The following COL14A1 variants were observed in gnomAD, a reference collection of about 807,000 sequenced individuals.
COL14A1 encodes collagen type XIV alpha 1 chain.
COL14A1 carries 136 observed loss-of-function variants against 230.3 expected under a neutral mutation model. The observed-to-expected ratio is 0.59, with a 90% CI of 0.51 to 0.68. COL14A1 has a LOEUF of 0.68. Among genes scored for constraint, COL14A1 ranks in the 30% least tolerant of loss-of-function variants. The pLI is 0.00. For synonymous variants in COL14A1, 792 were observed against 784.1 expected (o/e 1.01, Z -0.17); for missense variants, 1,976 against 2,215.8 (o/e 0.89, Z 2.17).
chr8:120,281,568 A>AAG (rs1234585261), intron 31 of COL14A1, among the ~76,000 whole-genome samples: 3 of 150,664 alleles, frequency 2.0e-5, no homozygotes, highest in African/African-American at 7.3e-5. Flanking sequence ...CCGTCTTTAA[A>AAG]AAAAAAAAAA....
At chr8:120,231,782 A>G in intron 19 of COL14A1, 164 bp downstream of exon 19, 1 of 690,874 alleles carries the variant, frequency 1.4e-6, no homozygotes, top group South Asian at 2.8e-5. Flanking sequence ...CTGGCTTCTT[A>G]GTGACCTTTA....
At chr8:120,269,312 T>A (rs536368940) in intron 25 of COL14A1, among the ~76,000 whole-genome samples, 1 of 151,842 alleles carries the variant, frequency 6.6e-6, no homozygotes, top group African/African-American at 2.4e-5. Flanking sequence ...TAAAAAATGT[T>A]CTCAGTAGAG....
At position 120,247,694 on chromosome 8, in the gene COL14A1, C is replaced by G. The variant is rs1162292969; in HGVS notation, c.2561C>G (p.Ser854Cys). 6.2e-7 allele frequency: 1 copy of G among 1,613,964 alleles called. No individual in the cohort carries two copies. The highest frequency in any genetic ancestry group is 8.5e-7 in the Non-Finnish European group (1 of 1,179,984). The change falls in exon 21 of 48, where the codon TCC becomes TGC. Residue 854 changes from serine (S) to cysteine (C), a missense_variant. Transcript: ENST00000297848. ...RLRITWDPPSSPVKGYRIVYK... is the reference protein window; with the variant it reads ...RLRITWDPPSCPVKGYRIVYK... Reference sequence around the variant, plus strand: ...CGCATTACGTGGGACCCCCCATCTTCCCCGGTGAAAGGCTATAGAATTGTC... The same window carrying G: ...CGCATTACGTGGGACCCCCCATCTTGCCCGGTGAAAGGCTATAGAATTGTC...
chr8:120,169,969 C>T (rs1409283030), intron 5 of COL14A1, among the ~76,000 whole-genome samples: 1 of 152,018 alleles, frequency 6.6e-6, no homozygotes, highest in Non-Finnish European at 1.5e-5. Context: ...AAGCTGAAGT[C>T]AGTTTTTATC....
At chr8:120,135,718 C>CT (rs562845712) in intron 1 of COL14A1, among the ~76,000 whole-genome samples, 61 of 145,426 alleles carry the variant, frequency 4.2e-4, no homozygotes, top group East Asian at 1.2e-3. Context: ...TAACAGAGTA[C>CT]TTTTTTTTTT....
intron 12 of COL14A1, 21 bp downstream of exon 12, chr8:120,209,922 A>ACAGT (rs773214745): frequency 6.5e-7 from 1 of 1,545,624 alleles, no homozygotes; most frequent in Non-Finnish European, 8.7e-7. Flanking sequence ...CCTACCTATT[A>ACAGT]CAGTCCTAGA....
chr8:120,126,141 G>A (rs1242351906), intron 1 of COL14A1, among the ~76,000 whole-genome samples: 1 of 152,140 alleles, frequency 6.6e-6, no homozygotes, highest in South Asian at 2.1e-4. Flanking sequence ...CGCACCCCGC[G>A]CCCCCTCAGG....
At chr8:120,200,226 C>T (rs1817190757) in intron 8 of COL14A1, among the ~76,000 whole-genome samples, 1 of 151,966 alleles carries the variant, frequency 6.6e-6, no homozygotes, top group African/African-American at 2.4e-5. Flanking sequence ...AACACTGAAA[C>T]ACAAACCAAA....
intron 22 of COL14A1, among the ~76,000 whole-genome samples, chr8:120,252,631 T>C (rs1162277343): frequency 6.6e-6 from 1 of 152,206 alleles, no homozygotes; most frequent in African/African-American, 2.4e-5. Flanking sequence ...AAAATGAAGA[T>C]AATAATAACC....
intron 21 of COL14A1, 66 bp from the exon 22 acceptor site, chr8:120,250,551 G>A: frequency 6.5e-7 from 1 of 1,538,212 alleles, no homozygotes; most frequent in Non-Finnish European, 9.0e-7. Flanking sequence ...AATACAATTT[G>A]ATCTAAGAGT....
intron 5 of COL14A1, among the ~76,000 whole-genome samples, chr8:120,169,906 C>T (rs531084690): frequency 6.6e-6 from 1 of 152,142 alleles, no homozygotes; most frequent in South Asian, 2.1e-4. Context: ...ACAGTTAAAA[C>T]TCATTGCTTA....
chr8:120,171,299 A>G (rs1816087001), intron 5 of COL14A1, among the ~76,000 whole-genome samples: 1 of 152,176 alleles, frequency 6.6e-6, no homozygotes, highest in African/African-American at 2.4e-5. Context: ...ATATTATTGA[A>G]TATATTTATT....
intron 19 of COL14A1, among the ~76,000 whole-genome samples, chr8:120,234,655 G>A (rs1449008564): frequency 6.6e-6 from 1 of 152,082 alleles, no homozygotes; most frequent in Non-Finnish European, 1.5e-5. Context: ...GCATCCCAGG[G>A]ATGAAGCCGC....
chr8:120,168,196 A>C lies in COL14A1; in HGVS notation c.385A>C (p.Arg129=). ...DLEKRKDPKP[R]VKVVDRGNGS... is the part of the protein sequence containing the mutation. ...AGAAAAAAGAAAGGATCCAAAGCCCAGAGTCAAAGTTGTGGACAGAGGAAA... is the reference window on the plus strand; with the variant it reads ...AGAAAAAAGAAAGGATCCAAAGCCCCGAGTCAAAGTTGTGGACAGAGGAAA... Residue 129 remains arginine, a synonymous_variant, in exon 5 of 48, where the codon AGA becomes CGA. Coordinates refer to ENST00000297848, the MANE Select transcript of COL14A1 (RefSeq NM_021110.4). 1.2e-6 allele frequency: 2 copies of C among 1,613,054 alleles called. No individual in the cohort carries two copies. The highest frequency in any genetic ancestry group is 1.7e-6 in the Non-Finnish European group (2 of 1,179,342).
chr8:120,315,879 G>A, intron 39 of COL14A1, 65 bp from the exon 40 acceptor site: 1 of 1,538,556 alleles, frequency 6.5e-7, no homozygotes, highest in Non-Finnish European at 9.0e-7. Flanking sequence ...CTATTTCAGG[G>A]AAGCTGCGTG....
intron 24 of COL14A1, 82 bp from the exon 25 acceptor site, chr8:120,266,745 G>T (rs1819510929): frequency 1.1e-5 from 12 of 1,113,482 alleles, no homozygotes; most frequent in Non-Finnish European, 1.6e-5. Context: ...TGACTACCCT[G>T]AATATTTATT....
chr8:120,181,842 C>T (rs893208394), intron 5 of COL14A1, among the ~76,000 whole-genome samples: 9 of 152,104 alleles, frequency 5.9e-5, no homozygotes, highest in South Asian at 2.1e-4. Context: ...GTCCTAGCTA[C>T]GCAGGAGGCT....
intron 21 of COL14A1, among the ~76,000 whole-genome samples, chr8:120,249,587 A>G (rs576972081): frequency 6.6e-6 from 1 of 152,296 alleles, no homozygotes; most frequent in South Asian, 2.1e-4. Flanking sequence ...AGCGGTTCTC[A>G]GTTGATGTCA....
chr8:120,349,638 A>G (rs915012673), intron 45 of COL14A1, among the ~76,000 whole-genome samples: 80 of 142,322 alleles, frequency 5.6e-4, no homozygotes, highest in African/African-American at 1.8e-3. Flanking sequence ...GGGTATCAGC[A>G]ATGGAAGATG....
Sources: allele counts gnomAD v4.1 joint callset (sites outside exome capture counted in the v4.1 genomes callset), GRCh38; gene constraint gnomAD v4.1.1; transcripts MANE v1.5; gene names NCBI Gene and HGNC (gene_info 2026-07-23, HGNC 2026-07-21).